The following THSD4 variants were observed in gnomAD, a reference collection of about 807,000 sequenced individuals.
THSD4 encodes the protein thrombospondin type 1 domain containing 4.
Under a neutral mutation model 119.0 loss-of-function variants are expected in THSD4, and 69 were observed. The observed-to-expected ratio is 0.58, with a 90% CI of 0.48 to 0.71. The LOEUF (loss-of-function observed/expected upper bound fraction) is 0.71, where lower values mean the gene tolerates loss of function less well. Among genes scored for constraint, THSD4 ranks in the 30% least tolerant of loss-of-function variants. The pLI, the probability that THSD4 is intolerant of heterozygous loss-of-function variation, is 0.00. For synonymous variants in THSD4, 524 were observed against 540.4 expected (o/e 0.97, Z 0.42); for missense variants, 1,393 against 1,391.1 (o/e 1.00, Z -0.02).
chr15:71,116,972 A>G (rs921206100), intron 1 of THSD4, among the ~76,000 whole-genome samples: 2 of 152,118 alleles, frequency 1.3e-5, no homozygotes, highest in Admixed American at 6.5e-5. Context: ...TTTAGAAAAC[A>G]AAATCCTAGC....
At chr15:71,742,975 A>G (rs2053264573) in intron 11 of THSD4, among the ~76,000 whole-genome samples, 1 of 152,158 alleles carries the variant, frequency 6.6e-6, no homozygotes, top group African/African-American at 2.4e-5. Context: ...GAATCACTTG[A>G]ACCCGGGAGG....
In THSD4 at chr15:71,765,171, C is replaced by A; in HGVS notation, c.2741C>A (p.Ala914Asp). The change falls in exon 16 of 18, where the codon GCC (alanine) becomes GAC (aspartate). Residue 914 changes from alanine to aspartate, a missense_variant. Ala to Asp is a moderately radical substitution (Grantham distance 126). Transcript: ENST00000261862. ...QQSCHLKPCGAKWFSTEWSMC... is the reference protein window; with the variant it reads ...QQSCHLKPCGDKWFSTEWSMC... Reference sequence around the variant, plus strand: ...TCCTGCCACCTCAAGCCTTGCGGAGCCAAATGGTTTAGCACCGAATGGAGC... The same window carrying A: ...TCCTGCCACCTCAAGCCTTGCGGAGACAAATGGTTTAGCACCGAATGGAGC... 6.2e-7 allele frequency: 1 copy of A among 1,614,144 alleles called. No individual in the cohort carries two copies. Among genetic ancestry groups the A allele is most frequent in the Non-Finnish European group, 8.5e-7 (1 of 1,180,004 alleles).
At chr15:71,181,478 C>T (rs1048794575) in intron 3 of THSD4, among the ~76,000 whole-genome samples, 6 of 152,206 alleles carry the variant, frequency 3.9e-5, no homozygotes, top group African/African-American at 1.4e-4. Flanking sequence ...AATAATGGTA[C>T]GGTCCTGGCA....
At chr15:71,296,090 G>A (rs1175866403) in intron 6 of THSD4, among the ~76,000 whole-genome samples, 1 of 152,192 alleles carries the variant, frequency 6.6e-6, no homozygotes. Context: ...CAGTTGATGA[G>A]TCATGAATGA....
intron 7 of THSD4, among the ~76,000 whole-genome samples, chr15:71,486,611 G>GTTTTTTTTTTTTTT (rs200120589): frequency 1.5e-5 from 2 of 131,708 alleles, no homozygotes; most frequent in Non-Finnish European, 3.2e-5. Flanking sequence ...TTTCTTTTCT[G>GTTTTTTTTTTTTTT]TTTTTTTTTT....
At chr15:71,685,205 A>G (rs2051881956) in intron 8 of THSD4, among the ~76,000 whole-genome samples, 1 of 151,554 alleles carries the variant, frequency 6.6e-6, no homozygotes, top group Non-Finnish European at 1.5e-5. Context: ...CTCTTTTTAA[A>G]AAAAAAAGAA....
intron 7 of THSD4, among the ~76,000 whole-genome samples, chr15:71,652,431 T>G (rs1442483604): frequency 1.3e-5 from 2 of 152,358 alleles, no homozygotes; most frequent in East Asian, 3.9e-4. Context: ...ACTTTTATAA[T>G]AGAGCAATTA....
At chr15:71,120,441 GCATTGGCGCC>G (rs1318822052) in intron 1 of THSD4, among the ~76,000 whole-genome samples, 1 of 152,114 alleles carries the variant, frequency 6.6e-6, no homozygotes, top group East Asian at 1.9e-4. Context: ...GTCATCCCAG[GCATTGGCGCC>G]CATTAGCCCT....
chr15:71,523,208 T>C (rs2048467735), intron 7 of THSD4, among the ~76,000 whole-genome samples: 1 of 152,168 alleles, frequency 6.6e-6, no homozygotes, highest in Non-Finnish European at 1.5e-5. Flanking sequence ...AAACCTGAAA[T>C]CAAGAATCAA....
In THSD4 at chr15:71,589,364, T is replaced by TTTA. The variant is rs1555429826; in HGVS notation, c.1153-71164_1153-71163insATT. On this transcript the variant is annotated intron_variant, in intron 7 of 17. Transcript: ENST00000261862. ...ATATAAATTATTTATTTATTTATTT[T>TTTA]TTTATTTATTGGAGACAGAGTCTCA... Among the ~76,000 whole-genome samples, 1,261 of 131,392 alleles carry TTTA rather than the reference T, an allele frequency of 9.6e-3. 134 individuals are homozygous for TTTA. Among genetic ancestry groups the TTTA allele is most frequent in the African/African-American group, 0.029 (1,114 of 38,644 alleles). 86.2% of individuals were successfully genotyped at this position (131,392 alleles called of 152,430 possible). A position where few individuals can be genotyped will look rare whatever the true frequency, so the allele number is the denominator to read the frequency against.
At chr15:71,754,079 C>CTTTTTTTTT in intron 14 of THSD4, among the ~76,000 whole-genome samples, 1 of 84,354 alleles carries the variant, frequency 1.2e-5, no homozygotes, top group Non-Finnish European at 2.5e-5. Context: ...ACCTTTTATT[C>CTTTTTTTTT]TTTTTTTTTT....
At chr15:71,337,793 C>G (rs1013192271) in intron 6 of THSD4, among the ~76,000 whole-genome samples, 6 of 152,100 alleles carry the variant, frequency 3.9e-5, no homozygotes, top group African/African-American at 1.4e-4. Context: ...TCCCAGCAGG[C>G]TTGAGTAAAG....
intron 2 of THSD4, among the ~76,000 whole-genome samples, chr15:71,153,252 A>G (rs2040743472): frequency 6.6e-6 from 1 of 152,178 alleles, no homozygotes; most frequent in Non-Finnish European, 1.5e-5. Flanking sequence ...CAGCACTCCT[A>G]CATCCATCTT....
At chr15:71,482,483 T>C (rs1334296693) in intron 7 of THSD4, among the ~76,000 whole-genome samples, 2 of 151,686 alleles carry the variant, frequency 1.3e-5, no homozygotes, top group African/African-American at 4.8e-5. Flanking sequence ...GTAGAGATGG[T>C]GTTTCACTGT....
chr15:71,639,360 A>G (rs1449681083), intron 7 of THSD4, among the ~76,000 whole-genome samples: 1 of 152,220 alleles, frequency 6.6e-6, no homozygotes, highest in Non-Finnish European at 1.5e-5. Context: ...ACTTAAGCTC[A>G]TAGAATATCA....
At chr15:71,512,650 TG>T (rs1283686531) in intron 7 of THSD4, among the ~76,000 whole-genome samples, 3 of 152,212 alleles carry the variant, frequency 2.0e-5, no homozygotes, top group African/African-American at 7.2e-5. Context: ...CCTATTCCCC[TG>T]GGGGCTTAAT....
chr15:71,192,327 G>A (rs1359247693), intron 3 of THSD4, among the ~76,000 whole-genome samples: 1 of 152,028 alleles, frequency 6.6e-6, no homozygotes, highest in Non-Finnish European at 1.5e-5. Flanking sequence ...CTGTCACCCA[G>A]GCTGGTGTGC....
At chr15:71,425,030 G>A (rs1376048735) in intron 7 of THSD4, among the ~76,000 whole-genome samples, 1 of 152,078 alleles carries the variant, frequency 6.6e-6, no homozygotes, top group Non-Finnish European at 1.5e-5. Context: ...CGAAAAAAGT[G>A]TTTGGTTGAG....
intron 8 of THSD4, among the ~76,000 whole-genome samples, chr15:71,710,445 C>A (rs2141090345): frequency 6.6e-6 from 1 of 152,222 alleles, no homozygotes; most frequent in African/African-American, 2.4e-5. Flanking sequence ...GGAGGAGGGC[C>A]AAGATAAATG....
Sources: gnomAD v4.1 joint callset for allele counts (sites outside exome capture counted in the v4.1 genomes callset) on GRCh38, gnomAD v4.1.1 for gene constraint, MANE v1.5 for transcripts, NCBI Gene and HGNC (gene_info 2026-07-23, HGNC 2026-07-21) for gene names.